Variants in NRXN1 observed in about 807,000 individuals in gnomAD.
NRXN1 encodes the protein neurexin-1.
In NRXN1, 39 loss-of-function variants were observed where a neutral mutation model predicts 150.9. The observed-to-expected ratio is 0.26, with a 90% CI of 0.20 to 0.34. NRXN1 has a LOEUF of 0.34. Ranked by LOEUF, NRXN1 falls within the 10% of genes least tolerant of loss-of-function variation. The pLI is 1.00. For missense variants in NRXN1, 1,815 were observed against 1,949.9 expected, an observed-to-expected ratio of 0.93 and a Z score of 1.30; for synonymous variants, 924 against 757.0, an observed-to-expected ratio of 1.22 and a Z score of -3.62.
chr2:50,096,997 T>C (rs1483187504), intron 18 of NRXN1, among the ~76,000 whole-genome samples: 1 of 152,334 alleles, frequency 6.6e-6, no homozygotes, highest in East Asian at 1.9e-4. Context: ...ATATAATATG[T>C]GCCTATGAAA....
intron 17 of NRXN1, among the ~76,000 whole-genome samples, chr2:50,272,328 TG>T (rs2069799429): frequency 6.6e-6 from 1 of 152,160 alleles, no homozygotes; most frequent in Non-Finnish European, 1.5e-5. Context: ...AAAGGTGTTT[TG>T]GTAAGGGTGG....
chr2:50,734,904 G>A (rs1014667063), intron 5 of NRXN1, among the ~76,000 whole-genome samples: 2 of 152,016 alleles, frequency 1.3e-5, no homozygotes, highest in Non-Finnish European at 2.9e-5. Flanking sequence ...AAATGTCAAC[G>A]AACAACAAGT....
chr2:50,767,790 T>C (rs1702543791), intron 5 of NRXN1, among the ~76,000 whole-genome samples: 1 of 152,110 alleles, frequency 6.6e-6, no homozygotes, highest in South Asian at 2.1e-4. Flanking sequence ...GTTATATAGC[T>C]AATAAAAATA....
rs777132051 is a variant in NRXN1 at position 49,939,547 on chromosome 2, T to C, written c.4216+4157A>G. ...ACAGTGTGGCTAAAATCAAGTATAATTGAGTTCCATGTGTTCCCACCCAGG... is the reference window on the plus strand; with the variant it reads ...ACAGTGTGGCTAAAATCAAGTATAACTGAGTTCCATGTGTTCCCACCCAGG... On this transcript the variant is annotated intron_variant, in intron 22 of 22. Transcript: ENST00000401669. Among the ~76,000 whole-genome samples, 50 of 152,328 alleles carry C rather than the reference T, an allele frequency of 3.3e-4. 2 individuals carry two copies. Among genetic ancestry groups the C allele is most frequent in the African/African-American group, 3.8e-4 (16 of 41,576 alleles).
intron 2 of NRXN1, among the ~76,000 whole-genome samples, chr2:50,999,061 A>G (rs1039341858): frequency 1.3e-5 from 2 of 152,050 alleles, no homozygotes; most frequent in African/African-American, 2.4e-5. Flanking sequence ...GTCACATGGT[A>G]TACTTCCAAG....
intron 22 of NRXN1, among the ~76,000 whole-genome samples, chr2:49,940,190 A>G (rs1308631287): frequency 6.6e-6 from 1 of 152,182 alleles, no homozygotes; most frequent in African/African-American, 2.4e-5. Flanking sequence ...CAACGCATCT[A>G]TAAAGGTAAT....
At chr2:50,933,929 A>C (rs1225973800) in intron 2 of NRXN1, among the ~76,000 whole-genome samples, 1 of 152,136 alleles carries the variant, frequency 6.6e-6, no homozygotes, top group Non-Finnish European at 1.5e-5. Context: ...CGGTATACTT[A>C]ATTACTTCTT....
At chr2:50,456,273 C>G (rs1422920245) in intron 17 of NRXN1, among the ~76,000 whole-genome samples, 1 of 152,066 alleles carries the variant, frequency 6.6e-6, no homozygotes, top group African/African-American at 2.4e-5. Context: ...ACCTTCCTAT[C>G]TCACCAAATC....
chr2:49,966,491 T>C (rs560292274), intron 21 of NRXN1: 1 of 150,692 alleles, frequency 6.6e-6, no homozygotes, highest in African/African-American at 2.4e-5. Context: ...AGCCTGTTTA[T>C]AAGACCAATT....
chr2:50,879,563 G>C (rs1431037644), intron 5 of NRXN1, among the ~76,000 whole-genome samples: 2 of 151,914 alleles, frequency 1.3e-5, no homozygotes, highest in Non-Finnish European at 2.9e-5. Context: ...CAGATATGAT[G>C]ATGTAATAGG....
intron 17 of NRXN1, among the ~76,000 whole-genome samples, chr2:50,303,684 A>G (rs2074366436): frequency 6.6e-6 from 1 of 152,198 alleles, no homozygotes; most frequent in Non-Finnish European, 1.5e-5. Flanking sequence ...AAATTACATC[A>G]AGACAAAATT....
At chr2:50,687,106 T>C (rs1691348415) in intron 5 of NRXN1, among the ~76,000 whole-genome samples, 2 of 152,174 alleles carry the variant, frequency 1.3e-5, no homozygotes, top group Admixed American at 1.3e-4. Flanking sequence ...GATAACAAGG[T>C]AATATCTGCA....
chr2:50,694,714 T>C (rs1200560866), intron 5 of NRXN1, among the ~76,000 whole-genome samples: 1 of 152,206 alleles, frequency 6.6e-6, no homozygotes, highest in Non-Finnish European at 1.5e-5. Context: ...GGAGGTTACA[T>C]TCTTTATCTT....
intron 17 of NRXN1, among the ~76,000 whole-genome samples, chr2:50,462,725 C>A (rs1437040296): frequency 6.6e-6 from 1 of 151,774 alleles, no homozygotes; most frequent in East Asian, 1.9e-4. Context: ...AATAGCACTT[C>A]TTTTTGAAAG....
chr2:50,317,122 C>T (rs1558512717), intron 17 of NRXN1, among the ~76,000 whole-genome samples: 1 of 151,888 alleles, frequency 6.6e-6, no homozygotes, highest in Non-Finnish European at 1.5e-5. Flanking sequence ...CTATGAAAGA[C>T]ATGTTACTAG....
chr2:50,731,453 G>C (rs1433888718), intron 5 of NRXN1, among the ~76,000 whole-genome samples: 1 of 152,152 alleles, frequency 6.6e-6, no homozygotes, highest in African/African-American at 2.4e-5. Context: ...TTTTAAATCA[G>C]AGTCAGAAAA....
intron 17 of NRXN1, among the ~76,000 whole-genome samples, chr2:50,311,000 C>T (rs906311858): frequency 6.6e-6 from 1 of 151,898 alleles, no homozygotes; most frequent in African/African-American, 2.4e-5. Context: ...CCATTTTTTC[C>T]CTAGATAATG....
intron 17 of NRXN1, among the ~76,000 whole-genome samples, chr2:50,421,375 A>C (rs922866814): frequency 6.6e-6 from 1 of 152,084 alleles, no homozygotes; most frequent in East Asian, 1.9e-4. Context: ...AAATTCATGC[A>C]ATATTAGGTA....
intron 5 of NRXN1, chr2:50,919,457 C>T (rs563167463): frequency 2.0e-5 from 3 of 151,640 alleles, no homozygotes; most frequent in African/African-American, 7.2e-5. Context: ...AAGAAGAAAT[C>T]AAAATAATGA....
Sources: allele counts gnomAD v4.1 joint callset (sites outside exome capture counted in the v4.1 genomes callset), GRCh38; gene constraint gnomAD v4.1.1; transcripts MANE v1.5; gene names NCBI Gene and HGNC (gene_info 2026-07-23, HGNC 2026-07-21).